Variants in AMZ1 observed in about 807,000 individuals in gnomAD.
AMZ1 encodes archaelysin family metallopeptidase 1, also known as archaemetzincin-1.
AMZ1 carries 39 observed loss-of-function variants against 29.9 expected under a neutral mutation model. That is an observed-to-expected ratio of 1.30 (90% confidence interval 1.01 to 1.70). AMZ1 has a LOEUF of 1.70. AMZ1 is among the 40% of genes most tolerant of loss of function. The pLI, the probability that AMZ1 is intolerant of heterozygous loss-of-function variation, is 0.00. For synonymous variants in AMZ1, 458 were observed against 304.0 expected, an observed-to-expected ratio of 1.51 and a Z score of -5.27; for missense variants, 1,041 against 680.6, an observed-to-expected ratio of 1.53 and a Z score of -5.89.
intron 1 of AMZ1, among the ~76,000 whole-genome samples, chr7:2,689,880 C>T (rs1388963463): frequency 1.3e-5 from 2 of 152,176 alleles, no homozygotes; most frequent in Non-Finnish European, 2.9e-5. Flanking sequence ...TAAGGCGGCT[C>T]CCTCCCCGTG....
At chr7:2,738,998 G>C (rs1464591229) in intron 4 of AMZ1, among the ~76,000 whole-genome samples, 1 of 152,152 alleles carries the variant, frequency 6.6e-6, no homozygotes, top group Non-Finnish European at 1.5e-5. Context: ...ACAGCAGTGA[G>C]ACCCCAGGAA....
intron 4 of AMZ1, among the ~76,000 whole-genome samples, chr7:2,744,730 G>A (rs1790684186): frequency 1.3e-5 from 2 of 152,154 alleles, no homozygotes; most frequent in Non-Finnish European, 2.9e-5. Context: ...TGAGCTACAG[G>A]AGGAAGTTCG....
intron 1 of AMZ1, among the ~76,000 whole-genome samples, chr7:2,681,490 G>GGCTCGAGAGATCCATCC (rs1215186833): frequency 2.0e-5 from 3 of 152,036 alleles, no homozygotes; most frequent in Non-Finnish European, 4.4e-5. Context: ...CAAACTCCAG[G>GGCTCGAGAGATCCATCC]GCTCGAGAGA....
upstream of AMZ1, among the ~76,000 whole-genome samples, chr7:2,685,998 T>C (rs1467928887): frequency 6.6e-6 from 1 of 152,184 alleles, no homozygotes; most frequent in Non-Finnish European, 1.5e-5. Context: ...TTTGTAGGAA[T>C]TTATCCCAAG....
intron 4 of AMZ1, 151 bp downstream of exon 4, chr7:2,708,867 C>T (rs549400741): frequency 7.3e-7 from 1 of 1,363,592 alleles, no homozygotes; most frequent in East Asian, 2.4e-5. Context: ...CCCCTTCCAG[C>T]TCCTCCTGAG....
At chr7:2,702,969 G>C (rs955818417) in intron 3 of AMZ1, 80 bp downstream of exon 3, 7 of 1,460,434 alleles carry the variant, frequency 4.8e-6, no homozygotes, top group Non-Finnish European at 4.5e-6. Context: ...GCGCCCAGGA[G>C]AGGAAGGGAA....
chr7:2,745,408 C>A (rs1465662938), intron 4 of AMZ1, among the ~76,000 whole-genome samples: 2 of 152,202 alleles, frequency 1.3e-5, no homozygotes, highest in Non-Finnish European at 2.9e-5. Context: ...AATTTCATAT[C>A]CAGCCAAACT....
intron 4 of AMZ1, among the ~76,000 whole-genome samples, chr7:2,748,874 A>G (rs1251090760): frequency 6.6e-6 from 1 of 152,248 alleles, no homozygotes; most frequent in Non-Finnish European, 1.5e-5. Flanking sequence ...ACTTCTCAAA[A>G]AAAGACATTT....
At chr7:2,732,037 G>A (rs190073132) in intron 4 of AMZ1, among the ~76,000 whole-genome samples, 1 of 152,106 alleles carries the variant, frequency 6.6e-6, no homozygotes, top group Non-Finnish European at 1.5e-5. Context: ...CTTCTCCAGA[G>A]GAAATTTACC....
At chr7:2,701,674 G>A (rs1369470615) in intron 2 of AMZ1, among the ~76,000 whole-genome samples, 1 of 152,346 alleles carries the variant, frequency 6.6e-6, no homozygotes, top group South Asian at 2.1e-4. Context: ...CGGAGAGGAG[G>A]AAAGGGCTGG....
rs147757709 is a variant in AMZ1 at position 2,739,750 on chromosome 7, C to T, written n.551-24962C>T. Among the ~76,000 whole-genome samples, 17 of 152,196 alleles carry T rather than the reference C, an allele frequency of 1.1e-4. No homozygotes were observed. In the East Asian group the frequency reaches 1.9e-3, roughly 17 times the overall value. ...GTGTAGTGGTGCGATCTTGGCTCAC[C>T]GCAACCTCTGCCTCCTGGTTCAAGC... On this transcript the variant is annotated intron_variant and non_coding_transcript_variant, in intron 4 of 4. Transcript: ENST00000489665.
At chr7:2,727,551 G>C (rs888666421) in intron 4 of AMZ1, among the ~76,000 whole-genome samples, 1 of 151,918 alleles carries the variant, frequency 6.6e-6, no homozygotes, top group African/African-American at 2.4e-5. Context: ...GATTCTATCC[G>C]TAAAGATGGG....
In AMZ1 at chr7:2,702,691, C is replaced by T. The variant is rs770211266; in HGVS notation, c.305-31C>T. 24 of 1,504,390 alleles carry T rather than the reference C, an allele frequency of 1.6e-5. No homozygotes were observed. The African/African-American group carries it at 1.8e-4, about 11-fold the overall frequency. The allele number at this position is 1,504,390 out of a possible 1,614,324, so 93.2% of individuals were successfully genotyped here. A position where few individuals can be genotyped will look rare whatever the true frequency, so the allele number is the denominator to read the frequency against. On this transcript the variant is annotated intron_variant, in intron 2 of 6. Transcript: ENST00000683327. ...GAGGGTCCCAGGCGGGCAGGGGCGT[C>T]GCAGGGCTGACGGTGCTGCTCTCCC...
At chr7:2,719,971 G>A (rs755950647), downstream of AMZ1, among the ~76,000 whole-genome samples, 25 of 152,130 alleles carry the variant, frequency 1.6e-4, no homozygotes, top group Non-Finnish European at 2.6e-4. Flanking sequence ...GTCAGCCACC[G>A]TGCCCAGCCT....
chr7:2,733,330 G>A (rs1195222685), intron 4 of AMZ1: 1 of 780,394 alleles, frequency 1.3e-6, no homozygotes, highest in Admixed American at 2.0e-5. Flanking sequence ...TCGTGGTAAT[G>A]TGACAGAACA....
intron 5 of AMZ1, 118 bp downstream of exon 5, chr7:2,709,362 A>C: frequency 8.6e-6 from 10 of 1,160,456 alleles, no homozygotes; most frequent in Non-Finnish European, 1.2e-5. Context: ...CCCTAACTCT[A>C]TGGAATGAGG....
intron 4 of AMZ1, among the ~76,000 whole-genome samples, chr7:2,754,707 C>G (rs906307836): frequency 6.6e-6 from 1 of 152,128 alleles, no homozygotes; most frequent in African/African-American, 2.4e-5. Flanking sequence ...TATGATCACA[C>G]CACTACACTC....
At chr7:2,742,258 T>C (rs798514) in intron 4 of AMZ1, among the ~76,000 whole-genome samples, 36,289 of 151,950 alleles carry the variant, frequency 0.24, 4,997 homozygotes, top group Non-Finnish European at 0.29. Context: ...TTAAGTGATC[T>C]GCCCGCCTCA....
rs185859848 is a variant in AMZ1 at position 2,738,428 on chromosome 7, G to A, written n.551-26284G>A. ...ACGCAGTCAGGGGCTACGCACCGGC[G>A]AAGGAGAAGAGCTCCGTGGCTGGAA... On this transcript the variant is annotated intron_variant and non_coding_transcript_variant, in intron 4 of 4. Coordinates refer to the AMZ1 transcript ENST00000489665. Among the ~76,000 whole-genome samples the A allele has an allele frequency of 1.4e-4, 22 of 152,296 alleles. No individual in the cohort carries two copies. The East Asian group carries it at 3.5e-3, about 24-fold the overall frequency.
Sources: gnomAD v4.1 joint callset for allele counts (sites outside exome capture counted in the v4.1 genomes callset) on GRCh38, gnomAD v4.1.1 for gene constraint, MANE v1.5 for transcripts, NCBI Gene and HGNC (gene_info 2026-07-23, HGNC 2026-07-21) for gene names.